Variants in KCNQ5 observed in about 807,000 individuals in gnomAD.
The protein encoded by KCNQ5 is potassium voltage-gated channel subfamily KQT member 5.
A neutral mutation model predicts 98.2 loss-of-function variants in KCNQ5; 30 were observed. That is an observed-to-expected ratio of 0.31 (90% CI 0.23 to 0.41). KCNQ5 has a LOEUF of 0.41. Among genes scored for constraint, KCNQ5 ranks in the 10% least tolerant of loss-of-function variants. The pLI is 1.00. For missense variants in KCNQ5, 835 were observed against 1,182.5 expected, an observed-to-expected ratio of 0.71 and a Z score of 4.31; for synonymous variants, 458 against 449.4, an observed-to-expected ratio of 1.02 and a Z score of -0.24.
At chr6:72,685,317 A>G (rs1176176459) in intron 1 of KCNQ5, among the ~76,000 whole-genome samples, 1 of 152,242 alleles carries the variant, frequency 6.6e-6, no homozygotes, top group African/African-American at 2.4e-5. Context: ...AGAGAAACAT[A>G]TTGTTTTGAA....
intron 1 of KCNQ5, among the ~76,000 whole-genome samples, chr6:72,799,157 G>C (rs1176197312): frequency 6.6e-6 from 1 of 152,124 alleles, no homozygotes; most frequent in Non-Finnish European, 1.5e-5. Context: ...CAACTGTGGG[G>C]ACTGGGAAGT....
At position 73,040,131 on chromosome 6, in the gene KCNQ5, C is replaced by A. The variant is rs535198342; in HGVS notation, c.490-1805C>A. On this transcript the variant is annotated intron_variant, in intron 2 of 13. Transcript: ENST00000370398. ...CTGCAGCAGAGGAATAGTGCAGTGA[C>A]CTTGGCATACCTAAGAACAATGGGC... Among the ~76,000 whole-genome samples, 4 of 152,236 alleles carry A rather than the reference C, an allele frequency of 2.6e-5. No individual in the cohort carries two copies. The East Asian group carries it at 7.7e-4, about 29-fold the overall frequency.
intron 1 of KCNQ5, among the ~76,000 whole-genome samples, chr6:73,001,397 A>T (rs1239371500): frequency 1.3e-5 from 2 of 152,250 alleles, no homozygotes; most frequent in Non-Finnish European, 2.9e-5. Context: ...CCATTGTAGA[A>T]GGCACTGTAC....
intron 1 of KCNQ5, among the ~76,000 whole-genome samples, chr6:72,776,109 G>T (rs1162322403): frequency 1.3e-5 from 2 of 152,118 alleles, no homozygotes; most frequent in Non-Finnish European, 2.9e-5. Flanking sequence ...CAAGTTTTCT[G>T]TAAATCTAAA....
intron 1 of KCNQ5, among the ~76,000 whole-genome samples, chr6:72,847,114 T>A (rs2150138584): frequency 6.6e-6 from 1 of 151,884 alleles, no homozygotes; most frequent in Middle Eastern, 3.4e-3. Flanking sequence ...AAAAAAATAA[T>A]AATAATAAAA....
chr6:73,037,457 AT>A (rs1332013127), intron 2 of KCNQ5, among the ~76,000 whole-genome samples: 2 of 152,192 alleles, frequency 1.3e-5, no homozygotes, highest in Non-Finnish European at 2.9e-5. Context: ...AATCCCAAAA[AT>A]ATCTCCATTT....
chr6:72,644,233 T>C (rs1765473570), intron 1 of KCNQ5, among the ~76,000 whole-genome samples: 1 of 152,196 alleles, frequency 6.6e-6, no homozygotes, highest in South Asian at 2.1e-4. Context: ...AATGGATCAA[T>C]ACATAACCTT....
At chr6:72,889,871 A>G (rs991988028) in intron 1 of KCNQ5, among the ~76,000 whole-genome samples, 11 of 152,198 alleles carry the variant, frequency 7.2e-5, no homozygotes, top group Admixed American at 3.3e-4. Context: ...AAAGCCCCCA[A>G]GCCTTCTTGG....
intron 3 of KCNQ5, among the ~76,000 whole-genome samples, chr6:73,061,510 C>G (rs996984033): frequency 6.6e-6 from 1 of 151,950 alleles, no homozygotes; most frequent in Non-Finnish European, 1.5e-5. Flanking sequence ...ACAGTTGTTC[C>G]GAATCTACTC....
At chr6:73,145,344 A>T (rs1237960785) in intron 10 of KCNQ5, among the ~76,000 whole-genome samples, 2 of 152,218 alleles carry the variant, frequency 1.3e-5, no homozygotes. Context: ...TTGAAGTTGC[A>T]CTTAGGTCTA....
At chr6:72,763,196 G>T (rs973171365) in intron 1 of KCNQ5, among the ~76,000 whole-genome samples, 16 of 151,528 alleles carry the variant, frequency 1.1e-4, no homozygotes, top group Non-Finnish European at 1.6e-4. Flanking sequence ...CTGGGTCCTG[G>T]GTGTGTCACT....
chr6:72,795,184 A>G (rs565001560), intron 1 of KCNQ5, among the ~76,000 whole-genome samples: 1 of 152,176 alleles, frequency 6.6e-6, no homozygotes, highest in African/African-American at 2.4e-5. Context: ...TGCGTGTCTT[A>G]TTGAACCAAC....
intron 11 of KCNQ5, among the ~76,000 whole-genome samples, chr6:73,187,669 G>A (rs1765428240): frequency 6.6e-6 from 1 of 152,098 alleles, no homozygotes; most frequent in Admixed American, 6.6e-5. Flanking sequence ...AAGATAATCA[G>A]TTTCATTTTT....
intron 1 of KCNQ5, among the ~76,000 whole-genome samples, chr6:72,704,637 TA>T (rs75954842): frequency 3.3e-4 from 50 of 150,264 alleles, no homozygotes; most frequent in South Asian, 6.3e-4. Context: ...TTATAAATGA[TA>T]AAAAAAAAAG....
chr6:73,189,918 G>A lies in KCNQ5; in HGVS notation c.1578-655G>A, dbSNP rs537551146. On this transcript the variant is annotated intron_variant, in intron 11 of 13. Coordinates refer to ENST00000370398, the MANE Select transcript of KCNQ5 (RefSeq NM_019842.4). ...CCAGTGGCTCATGCCTGTAGTCCCA[G>A]CACTTAGGGAGGCTGAGGCAGGAGG... Among the ~76,000 whole-genome samples, 5 of 151,694 alleles carry A rather than the reference G, an allele frequency of 3.3e-5. No homozygotes were observed. The East Asian group carries it at 9.7e-4, about 29-fold the overall frequency.
intron 3 of KCNQ5, among the ~76,000 whole-genome samples, chr6:73,043,988 TA>T (rs1771838434): frequency 6.6e-6 from 1 of 152,182 alleles, no homozygotes; most frequent in Non-Finnish European, 1.5e-5. Flanking sequence ...ATAGTGACCT[TA>T]AAAATTTAGT....
chr6:72,831,473 G>T (rs888996490), intron 1 of KCNQ5, among the ~76,000 whole-genome samples: 1 of 151,090 alleles, frequency 6.6e-6, no homozygotes, highest in African/African-American at 2.4e-5. Context: ...GCAGACTATC[G>T]CAAGGACAAA....
At chr6:72,639,096 G>A (rs542501906) in intron 1 of KCNQ5, among the ~76,000 whole-genome samples, 1 of 152,314 alleles carries the variant, frequency 6.6e-6, no homozygotes, top group East Asian at 1.9e-4. Context: ...GGGATCATCA[G>A]TTACCAATGT....
chr6:73,079,088 G>A (rs1195816927), intron 5 of KCNQ5, among the ~76,000 whole-genome samples: 1 of 152,140 alleles, frequency 6.6e-6, no homozygotes, highest in Non-Finnish European at 1.5e-5. Flanking sequence ...AGTTGCTTGA[G>A]CTCAGGCATT....
Sources: gnomAD v4.1 joint callset for allele counts (sites outside exome capture counted in the v4.1 genomes callset) on GRCh38, gnomAD v4.1.1 for gene constraint, MANE v1.5 for transcripts, NCBI Gene and HGNC (gene_info 2026-07-23, HGNC 2026-07-21) for gene names.